Variants in SLC24A2 observed in about 807,000 individuals in gnomAD.
The protein encoded by SLC24A2 is solute carrier family 24 member 2, also known as sodium/potassium/calcium exchanger 2.
SLC24A2 carries 36 observed loss-of-function variants against 62.0 expected under a neutral mutation model. The ratio of observed to expected loss-of-function variants is 0.58; its 90% CI spans 0.44 to 0.77. The LOEUF (loss-of-function observed/expected upper bound fraction) is 0.77. Ranked by LOEUF, SLC24A2 falls within the 30% of genes least tolerant of loss-of-function variation. SLC24A2 has a pLI of 0.00. For synonymous variants in SLC24A2, 358 were observed against 294.0 expected, an observed-to-expected ratio of 1.22 and a Z score of -2.23; for missense variants, 846 against 817.9, an observed-to-expected ratio of 1.03 and a Z score of -0.42.
the SLC24A2 span, among the ~76,000 whole-genome samples, chr9:20,031,219 C>A: frequency 6.7e-6 from 1 of 150,086 alleles, no homozygotes; most frequent in Non-Finnish European, 1.5e-5. Flanking sequence ...TTTGCACATA[C>A]ACACACACCC....
At chr9:20,202,241 C>T in the SLC24A2 span, among the ~76,000 whole-genome samples, 3 of 152,136 alleles carry the variant, frequency 2.0e-5, no homozygotes, top group East Asian at 1.9e-4. Flanking sequence ...GTGCAAAACA[C>T]GCCAGAGAAA....
At chr9:20,040,121 C>G in the SLC24A2 span, among the ~76,000 whole-genome samples, 1 of 152,180 alleles carries the variant, frequency 6.6e-6, no homozygotes, top group Non-Finnish European at 1.5e-5. Context: ...ATGTGCTCAA[C>G]AAATGGAAGC....
At chr9:20,137,704 A>G in the SLC24A2 span, among the ~76,000 whole-genome samples, 2 of 152,208 alleles carry the variant, frequency 1.3e-5, no homozygotes, top group African/African-American at 2.4e-5. Context: ...ACACCGCTCA[A>G]TAAATGTTTA....
At chr9:20,144,428 G>A in the SLC24A2 span, among the ~76,000 whole-genome samples, 61 of 152,122 alleles carry the variant, frequency 4.0e-4, no homozygotes, top group Non-Finnish European at 2.9e-5. Context: ...AGCTCGCTCC[G>A]ACCACTAGCC....
the SLC24A2 span, among the ~76,000 whole-genome samples, chr9:20,242,101 C>T: frequency 2.0e-5 from 3 of 152,222 alleles, no homozygotes; most frequent in South Asian, 2.1e-4. Flanking sequence ...GCCCAATATT[C>T]TGGCAGCCGC....
intron 9 of SLC24A2, among the ~76,000 whole-genome samples, 164 bp from the exon 10 acceptor site, chr9:19,521,224 T>A (rs766976495): frequency 1.8e-4 from 27 of 152,250 alleles, no homozygotes; most frequent in Admixed American, 4.6e-4. Context: ...TAATAGAGTT[T>A]ATGCTTTTAG....
the SLC24A2 span, among the ~76,000 whole-genome samples, chr9:19,833,622 T>C: frequency 6.6e-6 from 1 of 152,196 alleles, no homozygotes; most frequent in Non-Finnish European, 1.5e-5. Flanking sequence ...AGGAGGCCTG[T>C]CTGCCTCTGT....
At chr9:19,904,501 T>G in the SLC24A2 span, among the ~76,000 whole-genome samples, 2 of 152,316 alleles carry the variant, frequency 1.3e-5, no homozygotes, top group Admixed American at 6.5e-5. Flanking sequence ...CCCTAGAGAT[T>G]AATCAGAGGT....
chr9:19,725,651 C>T (rs112706420), intron 2 of SLC24A2, among the ~76,000 whole-genome samples: 36 of 152,056 alleles, frequency 2.4e-4, no homozygotes, highest in African/African-American at 6.7e-4. Context: ...TATAATGAGA[C>T]GGTATATGAA....
chr9:19,522,475 A>G (rs760397141), intron 9 of SLC24A2, among the ~76,000 whole-genome samples: 27 of 152,244 alleles, frequency 1.8e-4, no homozygotes, highest in Non-Finnish European at 3.7e-4. Flanking sequence ...TTTAGGGAAT[A>G]GAATACACTC....
At chr9:19,783,915 AAAC>A (rs2118938079) in intron 2 of SLC24A2, among the ~76,000 whole-genome samples, 1 of 152,364 alleles carries the variant, frequency 6.6e-6, no homozygotes, top group South Asian at 2.1e-4. Flanking sequence ...GCTAAATGGA[AAAC>A]AATACAATGA....
At chr9:20,216,232 A>G in the SLC24A2 span, among the ~76,000 whole-genome samples, 1 of 152,180 alleles carries the variant, frequency 6.6e-6, no homozygotes, top group Non-Finnish European at 1.5e-5. Context: ...GCCTCAGGAA[A>G]ATGTGTGCTG....
At chr9:20,180,933 C>A in the SLC24A2 span, among the ~76,000 whole-genome samples, 4 of 152,166 alleles carry the variant, frequency 2.6e-5, no homozygotes, top group Admixed American at 6.5e-5. Context: ...ACAGTGGGCT[C>A]TGTCCTTTCT....
the SLC24A2 span, among the ~76,000 whole-genome samples, chr9:20,203,932 G>A: frequency 6.6e-6 from 1 of 151,450 alleles, no homozygotes; most frequent in Admixed American, 6.6e-5. Context: ...GTGTAGATGG[G>A]TGAAACTCTT....
At chr9:19,558,694 G>A (rs1160358645) in intron 7 of SLC24A2, among the ~76,000 whole-genome samples, 1 of 152,170 alleles carries the variant, frequency 6.6e-6, no homozygotes, top group African/African-American at 2.4e-5. Context: ...GGCCAACAGA[G>A]CCCCATGAGA....
chr9:19,895,755 C>G, the SLC24A2 span: 10 of 1,527,528 alleles, frequency 6.5e-6, no homozygotes, highest in East Asian at 2.4e-5. Context: ...GCTGGGCGGC[C>G]CAGTCCCACC....
At chr9:19,560,099 GCTTTC>G (rs1835316649) in intron 7 of SLC24A2, among the ~76,000 whole-genome samples, 1 of 152,144 alleles carries the variant, frequency 6.6e-6, no homozygotes, top group African/African-American at 2.4e-5. Flanking sequence ...TTCAGGGATG[GCTTTC>G]CTAAGGGCTC....
rs1220841428 is a variant in SLC24A2, at chr9:19,515,687, T to C, written c.*466A>G. The C allele has an allele frequency of 6.6e-6, 1 of 151,832 alleles. No individual in the cohort carries two copies. The allele number at this position is 151,832 out of a possible 1,614,324, so 9.4% of individuals were successfully genotyped here. A position where few individuals can be genotyped will look rare whatever the true frequency, so the allele number is the denominator to read the frequency against. ...AGATGCATTTGTACTTTTATATATA[T>C]CTGATTTTATATATATATATATAAT... is the stretch of plus-strand genomic sequence containing the variant. On this transcript the variant is annotated 3_prime_UTR_variant, in exon 11 of 11. Coordinates refer to ENST00000341998, the MANE Select transcript of SLC24A2 (RefSeq NM_020344.4).
At chr9:20,060,633 A>G in the SLC24A2 span, among the ~76,000 whole-genome samples, 16,601 of 152,182 alleles carry the variant, frequency 0.11, 896 homozygotes, top group East Asian at 0.17. Flanking sequence ...AACCAGGAAT[A>G]GAAGGGAACT....
Sources: gnomAD v4.1 joint callset for allele counts (sites outside exome capture counted in the v4.1 genomes callset) on GRCh38, gnomAD v4.1.1 for gene constraint, MANE v1.5 for transcripts, NCBI Gene and HGNC (gene_info 2026-07-23, HGNC 2026-07-21) for gene names.